SETBP1: variants seen among roughly 807,000 people sequenced by gnomAD.
SETBP1 encodes the protein SET binding protein 1.
Under a neutral mutation model 101.0 loss-of-function variants are expected in SETBP1, and 9 were observed. The observed-to-expected ratio is 0.09, with a 90% CI of 0.05 to 0.16. The LOEUF (loss-of-function observed/expected upper bound fraction) is 0.16. Among genes scored for constraint, SETBP1 ranks in the 10% least tolerant of loss-of-function variants. The probability of loss-of-function intolerance (pLI) is 1.00; values close to 1 mark genes in which losing one functional copy is unlikely to be tolerated. For missense variants in SETBP1, 1,858 were observed against 2,033.8 expected (o/e 0.91, Z 1.66); for synonymous variants, 818 against 788.5 (o/e 1.04, Z -0.63).
At chr18:44,698,874 T>G (rs2069063878) in intron 1 of SETBP1, among the ~76,000 whole-genome samples, 1 of 152,126 alleles carries the variant, frequency 6.6e-6, no homozygotes, top group Non-Finnish European at 1.5e-5. Context: ...TGTGGATCTT[T>G]TATGACTTGA....
Position 44,787,488 on chromosome 18 carries a change from T to C in SETBP1, c.487-81742T>C, listed in dbSNP as rs2071262514. Among the ~76,000 whole-genome samples, 4 of 152,222 alleles carry C rather than the reference T, an allele frequency of 2.6e-5. No homozygotes were observed. The South Asian group carries it at 6.2e-4, about 24-fold the overall frequency. On this transcript the variant is annotated intron_variant, in intron 2 of 5. Transcript: ENST00000649279. ...GAGATAGATGAATTACTGAAAAAAA[T>C]ACACAGACATGGAGTTTCTTGGGGA... is the stretch of plus-strand genomic sequence containing the variant.
Position 44,951,591 on chromosome 18 carries a change from C to A in SETBP1, c.2251C>A (p.Pro751Thr). ...EPKTAIKHPR[P>T]VSSQPDVPAV... ...CAAAACAGCCATCAAGCACCCCAGG[C>A]CTGTTTCTAGCCAGCCGGATGTTCC... The change falls in exon 4 of 6, where the codon CCT becomes ACT. Residue 751 changes from proline (P) to threonine (T), a missense_variant. Physicochemically the swap from Pro to Thr is conservative, Grantham distance 38 (BLOSUM62 -1). Around this residue, in one of 12 missense-constraint regions of SETBP1, gnomAD observed 121 missense variants for 138.0 expected, o/e 0.88. Coordinates refer to ENST00000649279, the MANE Select transcript of SETBP1 (RefSeq NM_015559.3). This position sits in a 1 kb window ranked among gnomAD's most constrained non-coding sequence, Gnocchi z 7.8. 3 of 1,614,188 alleles carry A rather than the reference C, an allele frequency of 1.9e-6. No individual in the cohort carries two copies. Among genetic ancestry groups the A allele is most frequent in the Non-Finnish European group, 1.7e-6 (2 of 1,180,038 alleles).
At chr18:44,943,067 G>C (rs117461441) in intron 3 of SETBP1, among the ~76,000 whole-genome samples, 2 of 152,138 alleles carry the variant, frequency 1.3e-5, no homozygotes, top group East Asian at 3.8e-4. Flanking sequence ...AAAAAGATAC[G>C]TAGTGACATT....
chr18:44,912,619 G>A (rs181534591), intron 3 of SETBP1, among the ~76,000 whole-genome samples: 44 of 152,018 alleles, frequency 2.9e-4, no homozygotes, highest in African/African-American at 1.0e-3. Flanking sequence ...GGGTTTCATC[G>A]TGTTTGCCAG....
At chr18:44,680,480 G>A (rs2144068171), upstream of SETBP1, 1 of 152,110 alleles carries the variant, frequency 6.6e-6, no homozygotes, top group East Asian at 2.0e-4. Flanking sequence ...CCGGAACCGG[G>A]GGCGACGTGT....
At position 44,950,401 on chromosome 18, in the gene SETBP1, G is replaced by C; in HGVS notation, c.1061G>C (p.Trp354Ser). The C allele has an allele frequency of 1.2e-6, 2 of 1,614,136 alleles. No individual in the cohort carries two copies. The highest frequency in any genetic ancestry group is 1.1e-5 in the South Asian group (1 of 91,080). ...ACCATACCAAACCCAGACCTGGATT[G>C]GGTCAAGAATGCCCAGAAAGCATTT... The part of the protein sequence containing the change: ...SQTIPNPDLD[W>S]VKNAQKAFDN... The change falls in exon 4 of 6, where the codon TGG becomes TCG. Residue 354 changes from tryptophan to serine, a missense_variant. This residue lies in a region of SETBP1 where 581 missense variants were observed against 535.1 expected (regional missense o/e 1.09). Coordinates refer to ENST00000649279, the MANE Select transcript of SETBP1 (RefSeq NM_015559.3).
intron 2 of SETBP1, among the ~76,000 whole-genome samples, chr18:44,822,703 C>T (rs1216806881): frequency 6.6e-6 from 1 of 152,190 alleles, no homozygotes; most frequent in Non-Finnish European, 1.5e-5. Flanking sequence ...CATGGAGAAG[C>T]TATGGTTTTG....
At chr18:44,698,678 A>T (rs139781760) in intron 1 of SETBP1, among the ~76,000 whole-genome samples, 31 of 152,190 alleles carry the variant, frequency 2.0e-4, no homozygotes, top group African/African-American at 7.2e-4. Flanking sequence ...ACCTTGCTCA[A>T]GTGGAGAAAA....
intron 3 of SETBP1, among the ~76,000 whole-genome samples, chr18:44,937,361 AG>A (rs1192896168): frequency 2.0e-5 from 3 of 148,556 alleles, no homozygotes; most frequent in Non-Finnish European, 3.0e-5. Context: ...AGGCTGAGGC[AG>A]GAGAATGGCG....
intron 2 of SETBP1, among the ~76,000 whole-genome samples, chr18:44,769,799 C>A (rs545006437): frequency 1.1e-3 from 163 of 152,356 alleles, no homozygotes; most frequent in Non-Finnish European, 1.3e-3. Flanking sequence ...GTCTTGCTGG[C>A]ATCTTCAGCC....
At chr18:44,728,514 C>T (rs1408822545) in intron 2 of SETBP1, among the ~76,000 whole-genome samples, 1 of 152,006 alleles carries the variant, frequency 6.6e-6, no homozygotes, top group Non-Finnish European at 1.5e-5. Context: ...AGTGTGGATT[C>T]TAAGGTAGTC....
intron 2 of SETBP1, among the ~76,000 whole-genome samples, chr18:44,705,784 T>G (rs970344622): frequency 6.6e-6 from 1 of 152,168 alleles, no homozygotes; most frequent in African/African-American, 2.4e-5. Flanking sequence ...GTCAACAGCC[T>G]TGTTCCAAAT....
At chr18:44,883,295 C>G (rs1158991413) in intron 3 of SETBP1, among the ~76,000 whole-genome samples, 3 of 152,166 alleles carry the variant, frequency 2.0e-5, no homozygotes, top group Non-Finnish European at 4.4e-5. Context: ...TTTGTCTGCC[C>G]TCTTGAGTCT....
chr18:44,787,859 T>C (rs1599127870), intron 2 of SETBP1, among the ~76,000 whole-genome samples: 1 of 476 alleles, frequency 2.1e-3, no homozygotes, highest in Non-Finnish European at 9.6e-3. Flanking sequence ...AGAGTCCGTC[T>C]CAAAAAAAAA....
At chr18:45,048,623 CT>C (rs569482952) in intron 5 of SETBP1, among the ~76,000 whole-genome samples, 74 of 149,026 alleles carry the variant, frequency 5.0e-4, no homozygotes, top group Non-Finnish European at 8.9e-4. Flanking sequence ...AATTGTCAAC[CT>C]TTTTTTTTTA....
chr18:44,773,537 C>G (rs2070921055), intron 2 of SETBP1, among the ~76,000 whole-genome samples: 1 of 152,188 alleles, frequency 6.6e-6, no homozygotes, highest in Admixed American at 6.5e-5. Flanking sequence ...GTTTTTAACA[C>G]ATTTTTGCAA....
intron 2 of SETBP1, among the ~76,000 whole-genome samples, chr18:44,840,431 C>T (rs2072593340): frequency 6.6e-6 from 1 of 152,230 alleles, no homozygotes; most frequent in Non-Finnish European, 1.5e-5. Context: ...AAGCATGGCC[C>T]ACTTTTAACT....
At chr18:44,971,123 G>T (rs1244949885) in intron 4 of SETBP1, among the ~76,000 whole-genome samples, 3 of 151,988 alleles carry the variant, frequency 2.0e-5, no homozygotes, top group East Asian at 3.9e-4. Context: ...AGAACATGCG[G>T]TGTTTGGTTT....
chr18:44,684,547 G>T (rs2068806320), intron 1 of SETBP1, among the ~76,000 whole-genome samples: 1 of 148,850 alleles, frequency 6.7e-6, no homozygotes, highest in Non-Finnish European at 1.5e-5. Flanking sequence ...TGATTTAGAA[G>T]TTTCGTAGGT....
Sources: allele counts gnomAD v4.1 joint callset (sites outside exome capture counted in the v4.1 genomes callset), GRCh38; gene constraint gnomAD v4.1.1; regional missense constraint gnomAD v4.1.1; non-coding constraint Gnocchi (gnomAD v3.1); transcripts MANE v1.5; gene names NCBI Gene and HGNC (gene_info 2026-07-23, HGNC 2026-07-21).